Variants in MAP3K15 observed in about 807,000 individuals in gnomAD.
MAP3K15 encodes the protein MAPK/ERK kinase kinase 15.
A neutral mutation model predicts 99.5 loss-of-function variants in MAP3K15; 124 were observed. The observed-to-expected ratio is 1.25, with a 90% CI of 1.08 to 1.45. MAP3K15 has a LOEUF of 1.45. Ranked by LOEUF, MAP3K15 falls within the 40% of genes most tolerant of loss-of-function variation. The pLI is 0.00. For missense variants in MAP3K15, 1,242 were observed against 1,079.7 expected (o/e 1.15, Z -2.11); for synonymous variants, 494 against 439.6 (o/e 1.12, Z -1.55).
At chrX:19,473,766 C>T (rs2064222600) in intron 3 of MAP3K15, among the ~76,000 whole-genome samples, 1 of 111,762 alleles carries the variant, frequency 8.9e-6, no homozygotes, top group African/African-American at 3.3e-5. Flanking sequence ...AGAACTACTA[C>T]CATCTACAAA....
intron 28 of MAP3K15, chrX:19,361,066 G>A: frequency 2.4e-6 from 1 of 418,979 alleles, no homozygotes; most frequent in South Asian, 4.0e-5. Flanking sequence ...AAAGAAGGGG[G>A]TGGGTCCAGC....
chrX:19,366,006 CAAAAAAAAAAAAAAA>C (rs1172350617), intron 25 of MAP3K15, among the ~76,000 whole-genome samples: 1 of 20,106 alleles, frequency 5.0e-5, no homozygotes, highest in Non-Finnish European at 1.4e-4. Context: ...GCCTCCATCT[CAAAAAAAAAAAAAAA>C]AAAAAAAAAA....
chrX:19,380,495 G>A (rs2063451246), intron 18 of MAP3K15, among the ~76,000 whole-genome samples: 1 of 111,717 alleles, frequency 9.0e-6, no homozygotes, highest in African/African-American at 3.3e-5. Flanking sequence ...AATGGCAGAT[G>A]GAGTCTTGTC....
At chrX:19,493,516 A>C (rs1034252292) in intron 1 of MAP3K15, among the ~76,000 whole-genome samples, 1 of 111,652 alleles carries the variant, frequency 9.0e-6, no homozygotes, top group African/African-American at 3.3e-5. Flanking sequence ...AGAATTCCTA[A>C]AACACGAATT....
At chrX:19,426,140 T>A (rs901000502) in intron 8 of MAP3K15, 91 bp downstream of exon 8, 1 of 458,847 alleles carries the variant, frequency 2.2e-6, no homozygotes, top group Non-Finnish European at 3.4e-6. Context: ...AATAGAAATA[T>A]AATGATATAA....
chrX:19,376,128 G>A (rs931019620), intron 19 of MAP3K15, among the ~76,000 whole-genome samples: 13 of 111,565 alleles, frequency 1.2e-4, no homozygotes, highest in African/African-American at 1.6e-4. Flanking sequence ...GTGCTTTGCC[G>A]TGACCCAAAA....
In MAP3K15 at chrX:19,400,560, A is replaced by G. The variant is rs747499583; in HGVS notation, c.1932+16T>C. 5 of 1,124,482 alleles carry G rather than the reference A, an allele frequency of 4.4e-6. No homozygotes were observed. Among genetic ancestry groups the G allele is most frequent in the Non-Finnish European group, 6.1e-6 (5 of 824,681 alleles). 92.7% of individuals were successfully genotyped at this position (1,124,482 alleles called of 1,213,427 possible). The stretch of plus-strand genomic sequence containing the variant: ...ACAATCAATGTTTTCCATATTCTAG[A>G]TCGTCCATGACTCACCTCCAAGGTG... On this transcript the variant is annotated intron_variant, in intron 14 of 28. Transcript: ENST00000338883.
chrX:19,372,194 G>A (rs1283557255), intron 22 of MAP3K15, among the ~76,000 whole-genome samples: 1 of 109,729 alleles, frequency 9.1e-6, no homozygotes, highest in Non-Finnish European at 1.9e-5. Context: ...GAGGGGAATC[G>A]GTTTGCCAGT....
At chrX:19,384,227 G>C (rs1182298184) in intron 18 of MAP3K15, among the ~76,000 whole-genome samples, 3 of 111,112 alleles carry the variant, frequency 2.7e-5, no homozygotes, top group Non-Finnish European at 5.7e-5. Context: ...AGCGAAATAA[G>C]TCAGGCATAG....
intron 15 of MAP3K15, among the ~76,000 whole-genome samples, chrX:19,397,923 C>CA (rs917042332): frequency 1.1e-4 from 12 of 109,862 alleles, no homozygotes; most frequent in South Asian, 4.0e-4. Context: ...ACTAAAAATA[C>CA]AAAAAAATCA....
Position 19,377,703 on chromosome X carries a change from G to A in MAP3K15, c.2589+2417C>T, listed in dbSNP as rs60147368. Among the ~76,000 whole-genome samples, 166 of 112,108 alleles carry A rather than the reference G, an allele frequency of 1.5e-3. 2 individuals are homozygous for A. In the East Asian group the frequency reaches 0.042, roughly 28 times the overall value. ...GCAGGTCAAAAAGCAGCCAGCCATG[G>A]CTCTCAGGTGGGCCTCATGTTTTCC... On this transcript the variant is annotated intron_variant, in intron 19 of 28. Coordinates refer to ENST00000338883, the MANE Select transcript of MAP3K15 (RefSeq NM_001001671.4).
At chrX:19,413,747 T>G (rs1164427351) in intron 10 of MAP3K15, among the ~76,000 whole-genome samples, 1 of 99,987 alleles carries the variant, frequency 1.0e-5, no homozygotes, top group Non-Finnish European at 2.0e-5. Context: ...GGTGTTACTT[T>G]GTTAAAAGAG....
chrX:19,363,942 C>A (rs753442971), intron 25 of MAP3K15, among the ~76,000 whole-genome samples: 46 of 110,596 alleles, frequency 4.2e-4, no homozygotes, highest in African/African-American at 1.5e-3. Context: ...TGTGAGCCAC[C>A]GCACCCAGCT....
intron 3 of MAP3K15, among the ~76,000 whole-genome samples, chrX:19,472,178 C>T (rs936794699): frequency 1.2e-4 from 13 of 109,176 alleles, no homozygotes; most frequent in Admixed American, 2.0e-4. Flanking sequence ...GAGCTGAGAT[C>T]GCGCCACAGC....
intron 6 of MAP3K15, among the ~76,000 whole-genome samples, chrX:19,453,650 T>G (rs1297965258): frequency 1.8e-5 from 2 of 111,586 alleles, no homozygotes; most frequent in African/African-American, 6.5e-5. Context: ...AACAAAGGAT[T>G]TGGACTAAAT....
intron 12 of MAP3K15, chrX:19,408,525 C>T (rs926579575): frequency 1.3e-4 from 20 of 159,955 alleles, no homozygotes; most frequent in Non-Finnish European, 2.1e-4. Flanking sequence ...TTGTGCCACA[C>T]ACCTGTAGTC....
chrX:19,469,577 G>T (rs1481251683), intron 3 of MAP3K15, among the ~76,000 whole-genome samples: 3 of 110,535 alleles, frequency 2.7e-5, no homozygotes, highest in African/African-American at 9.9e-5. Flanking sequence ...AAGAGCTTCT[G>T]CACAGCAAAA....
In MAP3K15 at chrX:19,414,977, G is replaced by C. The variant is rs1164000977; in HGVS notation, c.1590+130C>G. The C allele has an allele frequency of 8.7e-6, 5 of 573,007 alleles. No individual in the cohort carries two copies. The East Asian group carries it at 1.1e-4, about 13-fold the overall frequency. 47.2% of individuals were successfully genotyped at this position (573,007 alleles called of 1,213,427 possible). The stretch of plus-strand genomic sequence containing the variant: ...TCTATCACTTACTGATTTCACATAA[G>C]ATTGATGTTTATCCCAACATTTAAA... On this transcript the variant is annotated intron_variant, in intron 10 of 28. Coordinates refer to ENST00000338883, the MANE Select transcript of MAP3K15 (RefSeq NM_001001671.4).
At chrX:19,415,638 C>G (rs1220576590) in intron 9 of MAP3K15, among the ~76,000 whole-genome samples, 1 of 110,612 alleles carries the variant, frequency 9.0e-6, no homozygotes, top group African/African-American at 3.3e-5. Context: ...TTTTTTTTCC[C>G]AATAGATACA....
Sources: allele counts gnomAD v4.1 joint callset (sites outside exome capture counted in the v4.1 genomes callset), GRCh38; gene constraint gnomAD v4.1.1; transcripts MANE v1.5; gene names NCBI Gene and HGNC (gene_info 2026-07-23, HGNC 2026-07-21).